The following KHDRBS2 variants were observed in gnomAD, a reference collection of about 807,000 sequenced individuals.
KHDRBS2 encodes the protein KH RNA binding domain containing, signal transduction associated 2.
Under a neutral mutation model 44.3 loss-of-function variants are expected in KHDRBS2, and 26 were observed. That is an observed-to-expected ratio of 0.59 (90% confidence interval 0.43 to 0.81). KHDRBS2 has a LOEUF of 0.81. KHDRBS2 is among the 40% of genes least tolerant of loss of function. KHDRBS2 has a pLI of 0.00. For missense variants in KHDRBS2, 476 were observed against 433.1 expected (o/e 1.10, Z -0.88); for synonymous variants, 194 against 151.1 (o/e 1.28, Z -2.08).
chr6:61,723,577 A>AC (rs1199568754), intron 7 of KHDRBS2, among the ~76,000 whole-genome samples: 5 of 152,096 alleles, frequency 3.3e-5, no homozygotes, highest in African/African-American at 9.7e-5. Flanking sequence ...AAACAAACAA[A>AC]AAAACAACAA....
intron 1 of KHDRBS2, among the ~76,000 whole-genome samples, chr6:62,240,670 G>GTATA (rs1293352466): frequency 1.3e-3 from 82 of 62,500 alleles, no homozygotes; most frequent in African/African-American, 3.7e-3. Context: ...GTATGTGTGT[G>GTATA]TGTATATATA....
intron 3 of KHDRBS2, among the ~76,000 whole-genome samples, chr6:62,010,871 C>T (rs1267872616): frequency 6.6e-6 from 1 of 151,996 alleles, no homozygotes; most frequent in Non-Finnish European, 1.5e-5. Flanking sequence ...AAAAATTCAC[C>T]TTTCTAAAAA....
rs544574651 is a variant in KHDRBS2 at position 61,941,960 on chromosome 6, T to A, written c.483+36106A>T. ...TCCAGAAAAAGAATCCAAATTATTA[T>A]TATTATTGTATTATTATTATTATTG... On this transcript the variant is annotated intron_variant, in intron 4 of 8. Transcript: ENST00000281156. Among the ~76,000 whole-genome samples the A allele has an allele frequency of 9.2e-5, 14 of 152,192 alleles. No individual in the cohort carries two copies. In the South Asian group the frequency reaches 2.9e-3, roughly 32 times the overall value.
At chr6:61,999,918 A>T (rs1399596700) in intron 3 of KHDRBS2, among the ~76,000 whole-genome samples, 2 of 152,190 alleles carry the variant, frequency 1.3e-5, no homozygotes, top group Non-Finnish European at 2.9e-5. Flanking sequence ...TCTTATGGTG[A>T]AAATCAGTAC....
At chr6:62,139,902 G>A (rs1490156937) in intron 2 of KHDRBS2, among the ~76,000 whole-genome samples, 2 of 131,512 alleles carry the variant, frequency 1.5e-5, no homozygotes, top group African/African-American at 2.8e-5. Context: ...CCCACCCGCC[G>A]CCAATGCCAG....
chr6:61,773,232 G>T (rs1056723837), intron 6 of KHDRBS2, among the ~76,000 whole-genome samples: 1 of 152,160 alleles, frequency 6.6e-6, no homozygotes, highest in African/African-American at 2.4e-5. Flanking sequence ...TTCCACAATG[G>T]TTGAAGTAGT....
At chr6:61,776,383 A>T (rs958084024) in intron 6 of KHDRBS2, among the ~76,000 whole-genome samples, 1 of 152,206 alleles carries the variant, frequency 6.6e-6, no homozygotes, top group African/African-American at 2.4e-5. Context: ...AATTTTCACA[A>T]CCTACTCATC....
chr6:62,277,136 A>G (rs926103878), intron 1 of KHDRBS2, among the ~76,000 whole-genome samples: 13 of 152,100 alleles, frequency 8.5e-5, no homozygotes, highest in South Asian at 4.1e-4. Flanking sequence ...CTGAATTCCT[A>G]TATCAGTGGT....
the KHDRBS2 span, among the ~76,000 whole-genome samples, chr6:61,619,295 A>G: frequency 7.1e-6 from 1 of 141,712 alleles, no homozygotes; most frequent in Non-Finnish European, 1.5e-5. Flanking sequence ...AGTCCATTGT[A>G]TCACTCTGTA....
At chr6:62,032,538 A>T (rs1189811048) in intron 3 of KHDRBS2, among the ~76,000 whole-genome samples, 1 of 149,558 alleles carries the variant, frequency 6.7e-6, no homozygotes, top group East Asian at 2.0e-4. Context: ...TCATATATAT[A>T]CATATATATT....
intron 1 of KHDRBS2, among the ~76,000 whole-genome samples, chr6:62,188,089 G>A (rs1430314067): frequency 6.6e-6 from 1 of 151,978 alleles, no homozygotes; most frequent in Non-Finnish European, 1.5e-5. Flanking sequence ...AACTACCAGA[G>A]CAAGAGCTCA....
intron 2 of KHDRBS2, among the ~76,000 whole-genome samples, chr6:62,147,719 C>T (rs1814243942): frequency 6.6e-6 from 1 of 151,844 alleles, no homozygotes; most frequent in South Asian, 2.1e-4. Context: ...ATCATTAAAC[C>T]ACTTACAGTG....
intron 7 of KHDRBS2, among the ~76,000 whole-genome samples, chr6:61,701,110 T>G (rs74803138): frequency 6.6e-6 from 1 of 151,904 alleles, no homozygotes; most frequent in Non-Finnish European, 1.5e-5. Context: ...GTTATGCCAT[T>G]GCCAGTGACA....
At chr6:61,843,739 T>C (rs1214366251) in intron 6 of KHDRBS2, among the ~76,000 whole-genome samples, 1 of 152,168 alleles carries the variant, frequency 6.6e-6, no homozygotes, top group African/African-American at 2.4e-5. Flanking sequence ...TATTTTTTTC[T>C]TTTCACATGC....
intron 6 of KHDRBS2, among the ~76,000 whole-genome samples, chr6:61,746,116 A>T (rs1356564629): frequency 6.6e-6 from 1 of 151,944 alleles, no homozygotes; most frequent in Non-Finnish European, 1.5e-5. Context: ...GCAGAATGTG[A>T]AGGTTTGTTA....
chr6:61,866,753 C>T (rs529347253), intron 6 of KHDRBS2, among the ~76,000 whole-genome samples: 1 of 152,286 alleles, frequency 6.6e-6, no homozygotes, highest in East Asian at 1.9e-4. Context: ...CTGCCAAATG[C>T]CCTAAATCAT....
intron 4 of KHDRBS2, among the ~76,000 whole-genome samples, chr6:61,955,746 A>C (rs1767061662): frequency 1.9e-5 from 1 of 53,246 alleles, no homozygotes; most frequent in Non-Finnish European, 3.8e-5. Context: ...AGAGAGAGGT[A>C]GACAGACAGA....
chr6:61,780,419 G>T (rs894434201), intron 6 of KHDRBS2, among the ~76,000 whole-genome samples: 1 of 152,170 alleles, frequency 6.6e-6, no homozygotes, highest in African/African-American at 2.4e-5. Context: ...AGGACGGCTT[G>T]AGCCTGGGAG....
chr6:61,555,214 T>A, the KHDRBS2 span, among the ~76,000 whole-genome samples: 7 of 152,328 alleles, frequency 4.6e-5, no homozygotes, highest in Admixed American at 2.0e-4. Flanking sequence ...CTTTATTATT[T>A]TTTTTCTTTA....
Sources: gnomAD v4.1 joint callset for allele counts (sites outside exome capture counted in the v4.1 genomes callset) on GRCh38, gnomAD v4.1.1 for gene constraint, MANE v1.5 for transcripts, NCBI Gene and HGNC (gene_info 2026-07-23, HGNC 2026-07-21) for gene names.